Variants in SGPP2 observed in about 807,000 individuals in gnomAD.
The protein encoded by SGPP2 is sphingosine 1-phosphate phosphohydrolase 2.
Under a neutral mutation model 33.9 loss-of-function variants are expected in SGPP2, and 30 were observed. The observed-to-expected ratio is 0.89, with a 90% CI of 0.66 to 1.20. The LOEUF (loss-of-function observed/expected upper bound fraction) is 1.20. Among genes scored for constraint, SGPP2 ranks in the 50% most tolerant of loss-of-function variants. The pLI, the probability that SGPP2 is intolerant of heterozygous loss-of-function variation, is 0.00. For missense variants in SGPP2, 458 were observed against 532.1 expected (o/e 0.86, Z 1.37); for synonymous variants, 233 against 225.0 (o/e 1.04, Z -0.32).
At chr2:222,519,278 T>C (rs1195429179) in intron 2 of SGPP2, among the ~76,000 whole-genome samples, 2 of 152,250 alleles carry the variant, frequency 1.3e-5, no homozygotes, top group African/African-American at 4.8e-5. Flanking sequence ...GAGATTCTAA[T>C]TTAGTAGGTC....
At chr2:222,424,858 G>A (rs1402643669) in intron 1 of SGPP2, 37 bp downstream of exon 1, 8 of 1,291,490 alleles carry the variant, frequency 6.2e-6, no homozygotes, top group African/African-American at 4.7e-5. Flanking sequence ...TACGGGGAGG[G>A]GGCGGCTGCG....
intron 4 of SGPP2, among the ~76,000 whole-genome samples, chr2:222,533,833 GGA>G (rs1698874382): frequency 1.3e-5 from 2 of 151,812 alleles, no homozygotes; most frequent in Admixed American, 6.6e-5. Context: ...ACTTCAGGGA[GGA>G]GAGTTTCAGG....
intron 1 of SGPP2, among the ~76,000 whole-genome samples, chr2:222,472,997 G>A (rs1441045506): frequency 3.3e-5 from 5 of 152,070 alleles, no homozygotes; most frequent in Non-Finnish European, 7.4e-5. Context: ...CTGGGTGACA[G>A]AGCGAGACTC....
At chr2:222,430,217 G>T (rs1169533946) in intron 1 of SGPP2, among the ~76,000 whole-genome samples, 1 of 152,088 alleles carries the variant, frequency 6.6e-6, no homozygotes, top group Non-Finnish European at 1.5e-5. Context: ...AATCAAACAG[G>T]CAAAAATGGG....
intron 2 of SGPP2, among the ~76,000 whole-genome samples, chr2:222,514,320 C>A (rs1286057981): frequency 1.3e-5 from 2 of 152,132 alleles, no homozygotes; most frequent in Non-Finnish European, 2.9e-5. Flanking sequence ...TGATGATAAC[C>A]TGATTTCTCC....
intron 1 of SGPP2, among the ~76,000 whole-genome samples, chr2:222,466,061 A>G (rs1348056603): frequency 1.3e-5 from 2 of 152,104 alleles, no homozygotes; most frequent in Non-Finnish European, 2.9e-5. Flanking sequence ...TGGGAGGCCA[A>G]AGGAGGAGGA....
chr2:222,511,978 C>T (rs1044530289), intron 2 of SGPP2, among the ~76,000 whole-genome samples: 4 of 149,320 alleles, frequency 2.7e-5, no homozygotes, highest in Non-Finnish European at 5.9e-5. Flanking sequence ...ATGCCTGGCC[C>T]GCCACAGTGG....
At chr2:222,508,016 C>T (rs550858686) in intron 2 of SGPP2, among the ~76,000 whole-genome samples, 2 of 152,300 alleles carry the variant, frequency 1.3e-5, no homozygotes, top group South Asian at 2.1e-4. Flanking sequence ...ACTGAAGACA[C>T]TCGTTCCCTC....
chr2:222,533,394 G>A (rs1369172554), intron 4 of SGPP2, among the ~76,000 whole-genome samples: 6 of 152,148 alleles, frequency 3.9e-5, no homozygotes, highest in Non-Finnish European at 7.4e-5. Context: ...CCTTGGCAGG[G>A]GGACAGGTCG....
At chr2:222,484,502 G>C (rs1251426259) in intron 2 of SGPP2, among the ~76,000 whole-genome samples, 3 of 152,198 alleles carry the variant, frequency 2.0e-5, no homozygotes, top group East Asian at 3.8e-4. Flanking sequence ...AATTCGGTTG[G>C]ATCTGCTAAA....
At chr2:222,514,269 T>C (rs1027371700) in intron 2 of SGPP2, among the ~76,000 whole-genome samples, 1 of 152,244 alleles carries the variant, frequency 6.6e-6, no homozygotes, top group Non-Finnish European at 1.5e-5. Flanking sequence ...GACACAGATA[T>C]GCAGTGTTGA....
At chr2:222,535,606 TG>T (rs1435104402) in intron 4 of SGPP2, among the ~76,000 whole-genome samples, 1 of 152,206 alleles carries the variant, frequency 6.6e-6, no homozygotes, top group Non-Finnish European at 1.5e-5. Context: ...GAGCAGGCAC[TG>T]GGTCCATCTG....
At chr2:222,456,038 C>T (rs550072016) in intron 1 of SGPP2, among the ~76,000 whole-genome samples, 1 of 152,258 alleles carries the variant, frequency 6.6e-6, no homozygotes, top group South Asian at 2.1e-4. Flanking sequence ...ATGACTGTGC[C>T]ACTACACTCC....
intron 4 of SGPP2, among the ~76,000 whole-genome samples, chr2:222,545,457 T>A (rs1689170466): frequency 6.6e-6 from 1 of 152,108 alleles, no homozygotes; most frequent in African/African-American, 2.4e-5. Flanking sequence ...AATTTTTGTA[T>A]TTTTAGTAGA....
chr2:222,559,159 GCGCCCCC>G lies in SGPP2; in HGVS notation c.*263_*269del, dbSNP rs1454325770. The G allele has an allele frequency of 7.3e-4, 19 of 25,898 alleles. 3 individuals are homozygous for G. Among genetic ancestry groups the G allele is most frequent in the African/African-American group, 3.8e-3 (15 of 3,960 alleles). 1.6% of individuals were successfully genotyped at this position (25,898 alleles called of 1,614,324 possible). A position where few individuals can be genotyped will look rare whatever the true frequency, so the allele number is the denominator to read the frequency against. On this transcript the variant is annotated 3_prime_UTR_variant, in exon 5 of 5. Transcript: ENST00000321276. ...ATCCGGATCTTTAAAGGCACACACC[GCGCCCCC>G]CCCCCCCCCGCCCGGCCCCTGCTCC... is the stretch of plus-strand genomic sequence containing the variant.
intron 1 of SGPP2, among the ~76,000 whole-genome samples, chr2:222,454,504 G>A (rs1697541031): frequency 6.6e-6 from 1 of 152,204 alleles, no homozygotes; most frequent in South Asian, 2.1e-4. Flanking sequence ...TGTTATGAAA[G>A]TCCCTTTCAG....
chr2:222,501,323 C>T (rs1326476220), intron 2 of SGPP2, among the ~76,000 whole-genome samples: 1 of 40,082 alleles, frequency 2.5e-5, no homozygotes, highest in African/African-American at 4.2e-5. Flanking sequence ...ATAAATCTTA[C>T]TTATTTTTTT....
At chr2:222,507,791 T>C (rs370142519) in intron 2 of SGPP2, among the ~76,000 whole-genome samples, 1 of 152,190 alleles carries the variant, frequency 6.6e-6, no homozygotes, top group Admixed American at 6.5e-5. Flanking sequence ...AAAATATAAA[T>C]GGAAGGAAAA....
At chr2:222,454,309 G>A (rs1002281391) in intron 1 of SGPP2, among the ~76,000 whole-genome samples, 2 of 152,180 alleles carry the variant, frequency 1.3e-5, no homozygotes, top group South Asian at 2.1e-4. Context: ...TCCCATTGCT[G>A]ATGTTCAGTG....
Sources: gnomAD v4.1 joint callset for allele counts (sites outside exome capture counted in the v4.1 genomes callset) on GRCh38, gnomAD v4.1.1 for gene constraint, MANE v1.5 for transcripts, NCBI Gene and HGNC (gene_info 2026-07-23, HGNC 2026-07-21) for gene names.